The following TLK1 variants were observed in gnomAD, a reference collection of about 807,000 sequenced individuals.
TLK1 encodes tousled like kinase 1, also known as serine/threonine-protein kinase tousled-like 1.
A neutral mutation model predicts 105.3 loss-of-function variants in TLK1; 24 were observed. The observed-to-expected ratio is 0.23, with a 90% CI of 0.17 to 0.32. The LOEUF (loss-of-function observed/expected upper bound fraction) is 0.32, where lower values mean the gene tolerates loss of function less well. TLK1 is among the 10% of genes least tolerant of loss of function. The pLI is 1.00. For missense variants in TLK1, 558 were observed against 910.5 expected (o/e 0.61, Z 4.98); for synonymous variants, 321 against 310.4 (o/e 1.03, Z -0.36).
At chr2:171,216,499 CAG>C (rs987151614) in intron 1 of TLK1, among the ~76,000 whole-genome samples, 1 of 151,920 alleles carries the variant, frequency 6.6e-6, no homozygotes, top group Non-Finnish European at 1.5e-5. Context: ...AACAAAAAAA[CAG>C]AGAATAACAA....
intron 1 of TLK1, among the ~76,000 whole-genome samples, chr2:171,221,712 G>A (rs1003869105): frequency 6.6e-6 from 1 of 152,116 alleles, no homozygotes; most frequent in African/African-American, 2.4e-5. Context: ...TTTTTGTTAG[G>A]ACCTTTCCTC....
At chr2:171,192,830 A>T (rs1693181519) in intron 1 of TLK1, among the ~76,000 whole-genome samples, 1 of 152,356 alleles carries the variant, frequency 6.6e-6, no homozygotes, top group African/African-American at 2.4e-5. Context: ...CAACATCTTG[A>T]TGACTGTTCT....
rs1225778476 is a variant in TLK1 at position 171,207,981 on chromosome 2, C to A, written c.-6+23164G>T. On this transcript the variant is annotated intron_variant, in intron 1 of 20. Coordinates refer to the TLK1 transcript ENST00000521943. ...ACCTCAAGTGATCTGCCTGCCTCAG[C>A]CTCCCAAAGTGCTGGGATTACAGGT... is the stretch of plus-strand genomic sequence containing the variant. Among the ~76,000 whole-genome samples, 10 of 152,180 alleles carry A rather than the reference C, an allele frequency of 6.6e-5. No homozygotes were observed. In the South Asian group the frequency reaches 2.1e-3, roughly 32 times the overall value.
At chr2:171,139,595 AAAAC>A (rs1290672221) in intron 1 of TLK1, among the ~76,000 whole-genome samples, 8 of 152,106 alleles carry the variant, frequency 5.3e-5, no homozygotes, top group Admixed American at 1.3e-4. Context: ...CTCTGTCTCA[AAAAC>A]AAACAAACAA....
At position 171,046,748 on chromosome 2, in the gene TLK1, T is replaced by C. The variant is rs542463841; in HGVS notation, c.981-386A>G. 9.8e-5 allele frequency among the ~76,000 whole-genome samples: 15 copies of C among 152,312 alleles called. 1 individual carries two copies. In the East Asian group the frequency reaches 2.9e-3, roughly 29 times the overall value. ...AGTATTTATACTGTTGTATCCCTAG[T>C]ACCTAGTGTAGTGATCATCACTTAC... On this transcript the variant is annotated intron_variant, in intron 10 of 20. Transcript: ENST00000431350.
chr2:171,163,617 A>G (rs1411912859), upstream of TLK1, among the ~76,000 whole-genome samples: 3 of 152,204 alleles, frequency 2.0e-5, no homozygotes, highest in African/African-American at 7.2e-5. Flanking sequence ...GACTGTACAG[A>G]GCTCAGTTCC....
intron 12 of TLK1, among the ~76,000 whole-genome samples, chr2:171,017,157 C>T (rs1685249519): frequency 6.6e-6 from 1 of 152,030 alleles, no homozygotes; most frequent in African/African-American, 2.4e-5. Flanking sequence ...TCATAGTTAG[C>T]CATGTAAAAC....
intron 11 of TLK1, among the ~76,000 whole-genome samples, chr2:171,039,884 T>C (rs1218473937): frequency 6.6e-6 from 1 of 152,304 alleles, no homozygotes; most frequent in South Asian, 2.1e-4. Flanking sequence ...AATTTTCCTT[T>C]ACAAAGGAAA....
intron 14 of TLK1, among the ~76,000 whole-genome samples, 155 bp from the exon 15 acceptor site, chr2:171,007,218 AT>A (rs1275946389): frequency 1.3e-5 from 2 of 152,096 alleles, no homozygotes; most frequent in Non-Finnish European, 2.9e-5. Context: ...ATATAGCTCA[AT>A]GACACTTTTA....
intron 1 of TLK1, among the ~76,000 whole-genome samples, chr2:171,170,046 A>C (rs1332053362): frequency 6.6e-6 from 1 of 152,238 alleles, no homozygotes; most frequent in Non-Finnish European, 1.5e-5. Flanking sequence ...AAAGAAAGGC[A>C]TAAAAACATG....
chr2:171,169,253 A>G (rs1692678344), intron 1 of TLK1, among the ~76,000 whole-genome samples: 1 of 152,176 alleles, frequency 6.6e-6, no homozygotes, highest in Non-Finnish European at 1.5e-5. Context: ...TAAATGTACA[A>G]TATTAAGCAT....
chr2:171,012,945 C>A (rs558072352), intron 13 of TLK1, among the ~76,000 whole-genome samples: 1 of 151,948 alleles, frequency 6.6e-6, no homozygotes, highest in Admixed American at 6.6e-5. Flanking sequence ...GTCAGATCCA[C>A]AAAATTTGAA....
At chr2:171,164,649 C>A (rs1396676097), upstream of TLK1, among the ~76,000 whole-genome samples, 4 of 152,006 alleles carry the variant, frequency 2.6e-5, no homozygotes, top group African/African-American at 9.7e-5. Flanking sequence ...TCAATAAATA[C>A]GTTTTAAGTA....
intron 11 of TLK1, among the ~76,000 whole-genome samples, chr2:171,042,724 A>G (rs1386719731): frequency 1.3e-5 from 2 of 152,100 alleles, no homozygotes; most frequent in Admixed American, 1.3e-4. Context: ...AAAAAAAAAA[A>G]AGGTTAGAGA....
At chr2:170,997,912 T>C in intron 18 of TLK1, 89 bp from the exon 19 acceptor site, 1 of 709,576 alleles carries the variant, frequency 1.4e-6, no homozygotes, top group Non-Finnish European at 2.3e-6. Context: ...ACACGAATTT[T>C]ATTCATATAT....
chr2:171,117,576 T>C (rs1021773910), intron 2 of TLK1, among the ~76,000 whole-genome samples, 163 bp downstream of exon 2: 13 of 152,228 alleles, frequency 8.5e-5, no homozygotes, highest in African/African-American at 3.1e-4. Context: ...CCCTGAAATA[T>C]GGTATACTAC....
chr2:171,009,694 C>A (rs1684816246), intron 14 of TLK1, among the ~76,000 whole-genome samples: 1 of 152,066 alleles, frequency 6.6e-6, no homozygotes, highest in Non-Finnish European at 1.5e-5. Context: ...CTGCAACAAC[C>A]CTATAATGTA....
At chr2:171,122,742 T>C (rs1196346974) in intron 1 of TLK1, among the ~76,000 whole-genome samples, 1 of 151,548 alleles carries the variant, frequency 6.6e-6, no homozygotes, top group African/African-American at 2.4e-5. Context: ...ATAATGAGTA[T>C]AATATTTTAT....
At chr2:171,057,190 C>T (rs916503093) in intron 5 of TLK1, among the ~76,000 whole-genome samples, 7 of 151,994 alleles carry the variant, frequency 4.6e-5, no homozygotes, top group Non-Finnish European at 1.0e-4. Flanking sequence ...AGTTCACATA[C>T]GAAGGATGGG....
Sources: allele counts gnomAD v4.1 joint callset (sites outside exome capture counted in the v4.1 genomes callset), GRCh38; gene constraint gnomAD v4.1.1; transcripts MANE v1.5; gene names NCBI Gene and HGNC (gene_info 2026-07-23, HGNC 2026-07-21).